The following SLC45A1 variants were observed in gnomAD, a reference collection of about 807,000 sequenced individuals.
SLC45A1 encodes solute carrier family 45 member 1, also known as proton-associated sugar transporter A.
In SLC45A1, 28 loss-of-function variants were observed where a neutral mutation model predicts 57.6. The observed-to-expected ratio is 0.49, with a 90% CI of 0.36 to 0.67. SLC45A1 has a LOEUF of 0.67. SLC45A1 is among the 30% of genes least tolerant of loss of function. The probability of loss-of-function intolerance (pLI) is 0.00; values close to 1 mark genes in which losing one functional copy is unlikely to be tolerated. For missense variants in SLC45A1, 814 were observed against 1,041.5 expected, an observed-to-expected ratio of 0.78 and a Z score of 3.01; for synonymous variants, 459 against 471.5, an observed-to-expected ratio of 0.97 and a Z score of 0.34.
chr1:8,338,326 C>G (rs909276074), intron 7 of SLC45A1, among the ~76,000 whole-genome samples: 1 of 152,256 alleles, frequency 6.6e-6, no homozygotes, highest in African/African-American at 2.4e-5. Context: ...GTCCACCAGC[C>G]CCCAGCTCCT....
chr1:8,329,356 G>A (rs970690144), intron 4 of SLC45A1, among the ~76,000 whole-genome samples: 1 of 152,164 alleles, frequency 6.6e-6, no homozygotes, highest in Non-Finnish European at 1.5e-5. Flanking sequence ...ACACTAGACC[G>A]ACTCAAAATG....
At chr1:8,323,979 T>C (rs1290857863) in intron 1 of SLC45A1, among the ~76,000 whole-genome samples, 1 of 152,196 alleles carries the variant, frequency 6.6e-6, no homozygotes, top group Admixed American at 6.5e-5. Flanking sequence ...CTGGTGTCCT[T>C]GGAGGCCGGA....
intron 1 of SLC45A1, among the ~76,000 whole-genome samples, chr1:8,322,466 A>G (rs564257974): frequency 9.1e-5 from 13 of 142,774 alleles, no homozygotes; most frequent in African/African-American, 3.5e-4. Flanking sequence ...AGTGTTCTTT[A>G]TCCTGCTGGG....
chr1:8,332,211 G>T (rs556855795), intron 5 of SLC45A1, among the ~76,000 whole-genome samples: 2 of 152,202 alleles, frequency 1.3e-5, no homozygotes, highest in Admixed American at 6.5e-5. Flanking sequence ...TTCCCAAGAC[G>T]TCCGGGCTCC....
intron 1 of SLC45A1, among the ~76,000 whole-genome samples, chr1:8,321,496 C>T (rs1226338326): frequency 6.6e-6 from 1 of 152,184 alleles, no homozygotes; most frequent in East Asian, 1.9e-4. Flanking sequence ...AACTGTTACT[C>T]ATATCTGTCT....
intron 1 of SLC45A1, among the ~76,000 whole-genome samples, chr1:8,320,737 G>C (rs1639987660): frequency 2.2e-5 from 3 of 138,172 alleles, no homozygotes; most frequent in African/African-American, 5.6e-5. Flanking sequence ...ACACACACCT[G>C]CCATATGCTG....
rs771565398 is a variant in SLC45A1, at chr1:8,335,510, C to T, written c.1517C>T (p.Pro506Leu). ...LTGSSERAEQ[P>L]LSVGRLCSTI... ...GGCTCCAGCGAGCGCGCGGAGCAGC[C>T]TCTGTCCGTGGGGCGCCTCTGCTCC... The change falls in exon 6 of 9, where the codon CCT (proline) becomes CTT (leucine). Residue 506 changes from proline to leucine, a missense_variant. Transcript: ENST00000471889. The surrounding 1 kb of genome is among the most constrained non-coding windows in gnomAD (Gnocchi z 4.1). 3.1e-6 allele frequency: 5 copies of T among 1,604,552 alleles called. No homozygotes were observed. The highest frequency in any genetic ancestry group is 3.4e-6 in the Non-Finnish European group (4 of 1,179,766).
In SLC45A1 at chr1:8,324,435, A is replaced by G; in HGVS notation, c.106A>G (p.Thr36Ala). The change falls in exon 2 of 9, where the codon ACA becomes GCA. Residue 36 changes from threonine to alanine, a missense_variant. By Grantham distance (58) the Thr-to-Ala change is moderately conservative. Transcript: ENST00000471889. ...GGTCACGGGCTACTCGGGGTCCGTG[A>G]CACGACACCTCAGTCACCGGGCCAA... ...SQVTGYSGSV[T>A]RHLSHRANNF... 6.2e-7 allele frequency: 1 copy of G among 1,612,720 alleles called. No homozygotes were observed. Among genetic ancestry groups the G allele is most frequent in the Non-Finnish European group, 8.5e-7 (1 of 1,179,940 alleles).
chr1:8,319,317 G>A (rs893979152), intron 1 of SLC45A1, among the ~76,000 whole-genome samples: 5 of 152,200 alleles, frequency 3.3e-5, no homozygotes, highest in Non-Finnish European at 7.4e-5. Context: ...AGGAAGGGAG[G>A]TGGCCCAAGG....
intron 5 of SLC45A1, among the ~76,000 whole-genome samples, chr1:8,333,125 A>T (rs1443077407): frequency 1.3e-5 from 2 of 151,940 alleles, no homozygotes; most frequent in East Asian, 3.9e-4. Flanking sequence ...CCTGGTCCTC[A>T]GTTCATTCTC....
intron 2 of SLC45A1, among the ~76,000 whole-genome samples, chr1:8,324,934 G>C (rs1349313890): frequency 1.3e-5 from 2 of 152,190 alleles, no homozygotes; most frequent in African/African-American, 4.8e-5. Context: ...CAGGGATTTA[G>C]CAGCTCCCCG....
chr1:8,331,234 T>A (rs996937022), intron 5 of SLC45A1, among the ~76,000 whole-genome samples: 1 of 151,510 alleles, frequency 6.6e-6, no homozygotes, highest in Admixed American at 6.6e-5. Flanking sequence ...TTAGTATTTT[T>A]AAAAAACACT....
chr1:8,332,851 T>C (rs1640458352), intron 5 of SLC45A1, among the ~76,000 whole-genome samples: 1 of 152,174 alleles, frequency 6.6e-6, no homozygotes, highest in Non-Finnish European at 1.5e-5. Context: ...TATTCTCTTA[T>C]TTAAAGTAGA....
chr1:8,337,857 T>G lies in SLC45A1; in HGVS notation c.1639T>G (p.Phe547Val), dbSNP rs1640669844. Residue 547 changes from phenylalanine (F) to valine (V), a missense_variant, in exon 7 of 9, where the codon TTC becomes GTC. Physicochemically the swap from Phe to Val is conservative, Grantham distance 50. Transcript: ENST00000471889. The stretch of plus-strand genomic sequence containing the variant: ...GGGGATGTTGCTCTTCTACACAGAC[T>G]TCATGGGCGAGGTGGTGTTTCAGGG... ...FEGMLLFYTDFMGEVVFQGDP... is the reference protein window; with the variant it reads ...FEGMLLFYTDVMGEVVFQGDP... 1 of 1,614,112 alleles carries G rather than the reference T, an allele frequency of 6.2e-7. No homozygotes were observed. The highest frequency in any genetic ancestry group is 1.3e-5 in the African/African-American group (1 of 74,940).
At position 8,322,592 on chromosome 1, in the gene SLC45A1, CAG is replaced by C. The variant is rs1303995735; in HGVS notation, c.-24-1711_-24-1710del. 7.2e-5 allele frequency among the ~76,000 whole-genome samples: 11 copies of C among 152,178 alleles called. No homozygotes were observed. In the East Asian group the frequency reaches 2.1e-3, roughly 29 times the overall value. On this transcript the variant is annotated intron_variant, in intron 1 of 8. Transcript: ENST00000471889. ...GATACAAATCTGGAGTGAGGAATTT[CAG>C]AGTGATTCATAAATAATTTATTGTC...
Position 8,335,498 on chromosome 1 carries a change from G to T in SLC45A1, c.1505G>T (p.Arg502Leu). The T allele has an allele frequency of 6.2e-7, 1 of 1,602,764 alleles. No homozygotes were observed. The change falls in exon 6 of 9, where the codon CGC becomes CTC. Residue 502 changes from arginine to leucine, a missense_variant. Physicochemically the swap from Arg to Leu is moderately radical, Grantham distance 102. Coordinates refer to ENST00000471889, the MANE Select transcript of SLC45A1 (RefSeq NM_001080397.3). The surrounding 1 kb of genome is among the most constrained non-coding windows in gnomAD (Gnocchi z 4.1). ...AGCGAGCTGACGGGCTCCAGCGAGC[G>T]CGCGGAGCAGCCTCTGTCCGTGGGG... ...YESELTGSSE[R>L]AEQPLSVGRL... is the part of the protein sequence containing the mutation.
At chr1:8,319,546 C>G (rs146938491) in intron 1 of SLC45A1, among the ~76,000 whole-genome samples, 2 of 152,132 alleles carry the variant, frequency 1.3e-5, no homozygotes, top group Admixed American at 6.5e-5. Context: ...GCATAGCCTT[C>G]GGGGGATCCA....
chr1:8,325,821 C>T lies in SLC45A1; in HGVS notation c.494C>T (p.Ala165Val), dbSNP rs754619914. 4 of 1,612,576 alleles carry T rather than the reference C, an allele frequency of 2.5e-6. No individual in the cohort carries two copies. The highest frequency in any genetic ancestry group is 1.7e-5 in the Admixed American group (1 of 60,000). Residue 165 changes from alanine to valine, a missense_variant, in exon 4 of 9, where the codon GCA becomes GTA. By Grantham distance (64) the Ala-to-Val change is moderately conservative (BLOSUM62 0). Transcript: ENST00000471889. The surrounding 1 kb of genome is among the most constrained non-coding windows in gnomAD (Gnocchi z 6.3). ...GACTTTGTTTCTCTGTGTCCAGGGG[C>T]ACTGCTGGGCCTCTCGCTCTTGCTG... is the stretch of plus-strand genomic sequence containing the variant. ...RPFILVLAIG[A>V]LLGLSLLLNG...
chr1:8,339,761 T>TC, intron 8 of SLC45A1, 63 bp downstream of exon 8: 1 of 1,434,280 alleles, frequency 7.0e-7, no homozygotes, highest in African/African-American at 1.4e-5. Context: ...CTGAGAACTG[T>TC]CCCCCAGGAC....
Sources: allele counts gnomAD v4.1 joint callset (sites outside exome capture counted in the v4.1 genomes callset), GRCh38; gene constraint gnomAD v4.1.1; non-coding constraint Gnocchi (gnomAD v3.1); transcripts MANE v1.5; gene names NCBI Gene and HGNC (gene_info 2026-07-23, HGNC 2026-07-21).